NCKAP1: variants seen among roughly 807,000 people sequenced by gnomAD.
NCKAP1 encodes NCK associated protein 1.
A neutral mutation model predicts 151.2 loss-of-function variants in NCKAP1; 21 were observed. The observed-to-expected ratio is 0.14, with a 90% confidence interval of 0.10 to 0.20. NCKAP1 has a LOEUF of 0.20. Ranked by LOEUF, NCKAP1 falls within the 10% of genes least tolerant of loss-of-function variation. The pLI is 1.00. For synonymous variants in NCKAP1, 484 were observed against 451.8 expected (o/e 1.07, Z -0.90); for missense variants, 933 against 1,352.1 (o/e 0.69, Z 4.86).
intron 1 of NCKAP1, among the ~76,000 whole-genome samples, chr2:183,024,598 G>A (rs1361309608): frequency 1.3e-5 from 2 of 152,136 alleles, no homozygotes; most frequent in Non-Finnish European, 2.9e-5. Flanking sequence ...AAACTGTAAG[G>A]CACTATACAA....
chr2:182,972,224 C>CAAAAAAAAAAAAAA (rs56834438), intron 15 of NCKAP1, among the ~76,000 whole-genome samples: 10 of 67,698 alleles, frequency 1.5e-4, no homozygotes, highest in African/African-American at 3.0e-4. Context: ...AGCTTAATAG[C>CAAAAAAAAAAAAAA]AAAAAAAAAA....
intron 2 of NCKAP1, among the ~76,000 whole-genome samples, chr2:183,015,442 A>G (rs1698664816): frequency 1.3e-5 from 2 of 151,934 alleles, no homozygotes; most frequent in Admixed American, 1.3e-4. Context: ...AATTATCTAG[A>G]TTGATGTTAG....
At chr2:183,002,635 C>T (rs1698395581) in intron 4 of NCKAP1, among the ~76,000 whole-genome samples, 2 of 151,088 alleles carry the variant, frequency 1.3e-5, no homozygotes, top group South Asian at 2.1e-4. Flanking sequence ...TTCACTTTGA[C>T]TTCTTGTATC....
chr2:182,959,728 T>A (rs2105830074), intron 18 of NCKAP1, among the ~76,000 whole-genome samples: 1 of 152,284 alleles, frequency 6.6e-6, no homozygotes, highest in East Asian at 1.9e-4. Flanking sequence ...GTGTTGGAAG[T>A]TCTGGCCAGG....
At chr2:182,999,053 A>T (rs1698329115) in intron 6 of NCKAP1, among the ~76,000 whole-genome samples, 1 of 152,172 alleles carries the variant, frequency 6.6e-6, no homozygotes, top group Non-Finnish European at 1.5e-5. Context: ...TGGAGGAATC[A>T]ATATCATTAA....
At chr2:182,971,001 CA>C (rs909777281) in intron 15 of NCKAP1, among the ~76,000 whole-genome samples, 6 of 149,376 alleles carry the variant, frequency 4.0e-5, no homozygotes, top group African/African-American at 1.2e-4. Context: ...CAATAACTAC[CA>C]AAAAAAAAGC....
Position 182,926,834 on chromosome 2 carries a change from A to T in NCKAP1, c.3252T>A (p.Val1084=), listed in dbSNP as rs750865168. 1 of 1,600,690 alleles carries T rather than the reference A, an allele frequency of 6.2e-7. No homozygotes were observed. Residue 1084 remains valine (V), a synonymous_variant, in exon 30 of 31, where the codon GTT becomes GTA. Coordinates refer to ENST00000361354, the MANE Select transcript of NCKAP1 (RefSeq NM_013436.5). ...GACTTACCATATCTAGCAGTAAATA[A>T]ACAGATTCTCTATTTCTTGTTGTAG... ...DKTTTRNRES[V]YLLLDMIVQE...
chr2:183,028,611 A>G (rs1698943624), intron 1 of NCKAP1, among the ~76,000 whole-genome samples: 1 of 152,146 alleles, frequency 6.6e-6, no homozygotes, highest in Non-Finnish European at 1.5e-5. Flanking sequence ...TCAGTTACCT[A>G]ACCCATAAAT....
At chr2:183,025,154 AGC>A (rs1248631944) in intron 1 of NCKAP1, among the ~76,000 whole-genome samples, 1 of 152,354 alleles carries the variant, frequency 6.6e-6, no homozygotes, top group East Asian at 1.9e-4. Context: ...TATTCTAAGT[AGC>A]GAGTTTTAGT....
intron 26 of NCKAP1, 144 bp downstream of exon 26, chr2:182,934,608 T>G (rs1215642933): frequency 3.6e-6 from 2 of 552,988 alleles, no homozygotes; most frequent in Non-Finnish European, 6.4e-6. Context: ...TCTCAAAGAT[T>G]CAATTACAAA....
At position 182,920,037 on chromosome 2, in the gene NCKAP1, C is replaced by G. The variant is rs952774573; in HGVS notation, c.*5665G>C. The stretch of plus-strand genomic sequence containing the variant: ...CATGGCTCACTGCAGCCTCGAACCA[C>G]CCACTGCCGCCAACCCTCCCCTTGG... On this transcript the variant is annotated 3_prime_UTR_variant, in exon 31 of 31. Transcript: ENST00000361354. 2.6e-5 allele frequency: 4 copies of G among 152,416 alleles called. No homozygotes were observed. Among genetic ancestry groups the G allele is most frequent in the Non-Finnish European group, 5.9e-5 (4 of 68,236 alleles). The allele number at this position is 152,416 out of a possible 1,614,324, so 9.4% of individuals were successfully genotyped here.
intron 6 of NCKAP1, among the ~76,000 whole-genome samples, chr2:182,999,247 C>T (rs1322740901): frequency 5.9e-5 from 9 of 151,852 alleles, no homozygotes; most frequent in Non-Finnish European, 1.0e-4. Context: ...AAACTATGTA[C>T]CCAACATAGG....
chr2:182,912,943 T>A lies in NCKAP1; in HGVS notation c.*12759A>T, dbSNP rs1696418477. 6.6e-6 allele frequency: 1 copy of A among 151,686 alleles called. No individual in the cohort carries two copies. Among genetic ancestry groups the A allele is most frequent in the Non-Finnish European group, 1.5e-5 (1 of 67,918 alleles). 9.4% of individuals were successfully genotyped at this position (151,686 alleles called of 1,614,324 possible). Reference sequence around the variant, plus strand: ...GCAATTTATGTTTTTGCTAATGGCATCATACTAATTTTCCAATGCATTCAC... The same window carrying A: ...GCAATTTATGTTTTTGCTAATGGCAACATACTAATTTTCCAATGCATTCAC... On this transcript the variant is annotated 3_prime_UTR_variant, in exon 31 of 31. Transcript: ENST00000361354.
At chr2:182,979,002 T>G in intron 13 of NCKAP1, 87 bp from the exon 14 acceptor site, 1 of 714,838 alleles carries the variant, frequency 1.4e-6, no homozygotes. Flanking sequence ...ATAAACAAAC[T>G]GGTATACCCA....
rs2105795045 is a variant in NCKAP1 at position 182,925,693 on chromosome 2, T to C, written c.*9A>G. The C allele has an allele frequency of 6.8e-7, 1 of 1,477,144 alleles. No homozygotes were observed. Among genetic ancestry groups the C allele is most frequent in the Non-Finnish European group, 9.2e-7 (1 of 1,088,978 alleles). 91.5% of individuals were successfully genotyped at this position (1,477,144 alleles called of 1,614,324 possible). On this transcript the variant is annotated 3_prime_UTR_variant, in exon 31 of 31. Transcript: ENST00000361354. The stretch of plus-strand genomic sequence containing the variant: ...AAAATGCGTGCTTATCTTGATTAAG[T>C]AGGTAATTTTATGCAGAAGATGTAA...
chr2:182,982,224 A>T (rs1263505679), intron 12 of NCKAP1, among the ~76,000 whole-genome samples: 1 of 152,204 alleles, frequency 6.6e-6, no homozygotes, highest in Non-Finnish European at 1.5e-5. Context: ...TTATCACCAC[A>T]AAGCATACTA....
Position 182,915,624 on chromosome 2 carries a change from C to T in NCKAP1, c.*10078G>A, listed in dbSNP as rs1559064855. On this transcript the variant is annotated 3_prime_UTR_variant, in exon 31 of 31. Transcript: ENST00000361354. ...GAGTTACACTGACAGGATAAAATTTCAAGGCTTGCTAATCCTTGTGCATGA... is the reference window on the plus strand; with the variant it reads ...GAGTTACACTGACAGGATAAAATTTTAAGGCTTGCTAATCCTTGTGCATGA... 1 of 152,162 alleles carries T rather than the reference C, an allele frequency of 6.6e-6. No individual in the cohort carries two copies. The highest frequency in any genetic ancestry group is 1.5e-5 in the Non-Finnish European group (1 of 68,028). The allele number at this position is 152,162 out of a possible 1,614,324, so 9.4% of individuals were successfully genotyped here.
intron 27 of NCKAP1, among the ~76,000 whole-genome samples, chr2:182,929,599 A>C (rs541666132): frequency 1.8e-4 from 27 of 151,954 alleles, no homozygotes; most frequent in Non-Finnish European, 3.7e-4. Flanking sequence ...TCACCATTAG[A>C]TATAATTAAG....
chr2:182,998,648 G>C (rs1193989304), intron 6 of NCKAP1, among the ~76,000 whole-genome samples: 1 of 151,884 alleles, frequency 6.6e-6, no homozygotes, highest in African/African-American at 2.4e-5. Flanking sequence ...TGGTCAACAT[G>C]ATGAAACCCC....
Sources: gnomAD v4.1 joint callset for allele counts (sites outside exome capture counted in the v4.1 genomes callset) on GRCh38, gnomAD v4.1.1 for gene constraint, MANE v1.5 for transcripts, NCBI Gene and HGNC (gene_info 2026-07-23, HGNC 2026-07-21) for gene names.